The following ST3GAL4 variants were observed in gnomAD, a reference collection of about 807,000 sequenced individuals.
The protein encoded by ST3GAL4 is CMP-N-acetylneuraminate-beta-galactosamide-alpha-2,3-sialyltransferase 4.
Under a neutral mutation model 42.6 loss-of-function variants are expected in ST3GAL4, and 24 were observed. The observed-to-expected ratio is 0.56, with a 90% confidence interval of 0.41 to 0.79. The LOEUF is 0.79. ST3GAL4 is among the 30% of genes least tolerant of loss of function. The probability of loss-of-function intolerance (pLI) is 0.00; values close to 1 mark genes in which losing one functional copy is unlikely to be tolerated. For synonymous variants in ST3GAL4, 135 were observed against 163.2 expected (o/e 0.83, Z 1.32); for missense variants, 311 against 430.8 (o/e 0.72, Z 2.46).
chr11:126,377,117 G>A (rs1315136823), intron 1 of ST3GAL4, among the ~76,000 whole-genome samples: 2 of 152,102 alleles, frequency 1.3e-5, no homozygotes, highest in Non-Finnish European at 2.9e-5. Context: ...AAACCCATGT[G>A]TGTTCTTTAA....
chr11:126,372,141 A>G (rs574276061), intron 1 of ST3GAL4, among the ~76,000 whole-genome samples: 1 of 152,318 alleles, frequency 6.6e-6, no homozygotes, highest in East Asian at 1.9e-4. Context: ...AGAATGTGCT[A>G]CCATCCCGCC....
chr11:126,368,078 T>G (rs1591422303), intron 1 of ST3GAL4, among the ~76,000 whole-genome samples: 1 of 146,066 alleles, frequency 6.8e-6, no homozygotes, highest in Non-Finnish European at 1.5e-5. Context: ...ATTCAGGAGG[T>G]GGAGGTTGCA....
In ST3GAL4 at chr11:126,378,500, C is replaced by A. The variant is rs1200477615; in HGVS notation, c.-61+22658C>A. ...CTTGGCTCACTGCAACCTCTGCTTCCCGGGTTCATGCGATTCTCCTGCCTC... is the reference window on the plus strand; with the variant it reads ...CTTGGCTCACTGCAACCTCTGCTTCACGGGTTCATGCGATTCTCCTGCCTC... On this transcript the variant is annotated intron_variant, in intron 1 of 10. Coordinates refer to ENST00000444328, the MANE Select transcript of ST3GAL4 (RefSeq NM_001254757.2). The surrounding 1 kb of genome is among the most constrained non-coding windows in gnomAD (Gnocchi z 5.3). Among the ~76,000 whole-genome samples the A allele has an allele frequency of 6.6e-6, 1 of 152,118 alleles. No individual in the cohort carries two copies. The highest frequency in any genetic ancestry group is 2.4e-5 in the African/African-American group (1 of 41,420).
intron 1 of ST3GAL4, among the ~76,000 whole-genome samples, chr11:126,390,423 T>C (rs924266328): frequency 1.3e-5 from 2 of 151,962 alleles, no homozygotes; most frequent in Non-Finnish European, 2.9e-5. Context: ...TTGTAAAATA[T>C]GCACATATTC....
At chr11:126,370,781 A>G (rs1253546162) in intron 1 of ST3GAL4, among the ~76,000 whole-genome samples, 5 of 151,654 alleles carry the variant, frequency 3.3e-5, no homozygotes, top group African/African-American at 4.8e-5. Context: ...GGTTCAAGCA[A>G]TTCTCCTGCC....
chr11:126,381,545 A>G (rs1453138954), intron 1 of ST3GAL4, among the ~76,000 whole-genome samples: 2 of 149,556 alleles, frequency 1.3e-5, no homozygotes, highest in Non-Finnish European at 3.0e-5. Flanking sequence ...GACGAGGGCC[A>G]GAGAGGAGGA....
chr11:126,368,016 C>T (rs555214080), intron 1 of ST3GAL4, among the ~76,000 whole-genome samples: 2 of 151,832 alleles, frequency 1.3e-5, no homozygotes, highest in South Asian at 2.1e-4. Flanking sequence ...GACATAATGG[C>T]GCGCGCCTGT....
rs548203544 is a variant in ST3GAL4 at position 126,391,285 on chromosome 11, T to C, written c.-60-14811T>C. Reference sequence around the variant, plus strand: ...GTTTTTTTTTTTTCTTTTTGTTTTATGGGAGTGCTGATATATTCAAGTATT... The same window carrying C: ...GTTTTTTTTTTTTCTTTTTGTTTTACGGGAGTGCTGATATATTCAAGTATT... On this transcript the variant is annotated intron_variant, in intron 1 of 10. Coordinates refer to ENST00000444328, the MANE Select transcript of ST3GAL4 (RefSeq NM_001254757.2). The surrounding 1 kb of genome is among the most constrained non-coding windows in gnomAD (Gnocchi z 5.5). 2.0e-5 allele frequency among the ~76,000 whole-genome samples: 3 copies of C among 152,134 alleles called. No individual in the cohort carries two copies. Among genetic ancestry groups the C allele is most frequent in the South Asian group, 2.1e-4 (1 of 4,814 alleles).
Position 126,391,422 on chromosome 11 carries a change from G to C in ST3GAL4, c.-60-14674G>C, listed in dbSNP as rs1231914506. ...GTTCTGAAAAGGTCTGTTCTGGAGT[G>C]GGGGTGCTGTTTCGGAGAGCGATGA... On this transcript the variant is annotated intron_variant, in intron 1 of 10. Transcript: ENST00000444328. This position sits in a 1 kb window ranked among gnomAD's most constrained non-coding sequence, Gnocchi z 5.5. 6.6e-6 allele frequency among the ~76,000 whole-genome samples: 1 copy of C among 152,172 alleles called. No individual in the cohort carries two copies. Among genetic ancestry groups the C allele is most frequent in the African/African-American group, 2.4e-5 (1 of 41,442 alleles).
rs933294923 is a variant in ST3GAL4, at chr11:126,383,786, G to A, written c.-60-22310G>A. Among the ~76,000 whole-genome samples the A allele has an allele frequency of 2.0e-5, 3 of 152,182 alleles. No homozygotes were observed. The highest frequency in any genetic ancestry group is 4.4e-5 in the Non-Finnish European group (3 of 68,024). The stretch of plus-strand genomic sequence containing the variant: ...CTGTTCAGGCAGATTCACCAGAGGG[G>A]CTACTGCGCAGAGCCTGGGCCCTGG... On this transcript the variant is annotated intron_variant, in intron 1 of 10. Coordinates refer to ENST00000444328, the MANE Select transcript of ST3GAL4 (RefSeq NM_001254757.2). This position sits in a 1 kb window ranked among gnomAD's most constrained non-coding sequence, Gnocchi z 4.5.
rs912352161 is a variant in ST3GAL4, at chr11:126,376,442, G to A, written c.-61+20600G>A. 6.6e-6 allele frequency among the ~76,000 whole-genome samples: 1 copy of A among 152,176 alleles called. No homozygotes were observed. Among genetic ancestry groups the A allele is most frequent in the African/African-American group, 2.4e-5 (1 of 41,444 alleles). On this transcript the variant is annotated intron_variant, in intron 1 of 10. Coordinates refer to ENST00000444328, the MANE Select transcript of ST3GAL4 (RefSeq NM_001254757.2). The surrounding 1 kb of genome is among the most constrained non-coding windows in gnomAD (Gnocchi z 5.1). Reference sequence around the variant, plus strand: ...ATGAAGAATTTATTTGATTTAATTGGTTGCAATTACAAAATTGCTTTGTTT... The same window carrying A: ...ATGAAGAATTTATTTGATTTAATTGATTGCAATTACAAAATTGCTTTGTTT...
rs546079140 is a variant in ST3GAL4, at chr11:126,408,242, G to A, written c.437+48G>A. The A allele has an allele frequency of 6.6e-5, 107 of 1,612,846 alleles. 1 individual carries two copies. In the South Asian group the frequency reaches 1.1e-3, roughly 16 times the overall value. ...ACTGTTGTTTGGGAACTGGATGTCCGAGCCAGGGACTGTAGACAGGCCCAG... is the reference window on the plus strand; with the variant it reads ...ACTGTTGTTTGGGAACTGGATGTCCAAGCCAGGGACTGTAGACAGGCCCAG... On this transcript the variant is annotated intron_variant, in intron 7 of 10. Transcript: ENST00000444328.
Position 126,384,748 on chromosome 11 carries a change from G to C in ST3GAL4, c.-60-21348G>C. On this transcript the variant is annotated intron_variant, in intron 1 of 10. Coordinates refer to ENST00000444328, the MANE Select transcript of ST3GAL4 (RefSeq NM_001254757.2). This position sits in a 1 kb window ranked among gnomAD's most constrained non-coding sequence, Gnocchi z 5.5. Reference sequence around the variant, plus strand: ...GCAGCATCTCCTGAGGCTGGGCCATGGGTGAATCTGAGTCGAGGGCAGGAC... The same window carrying C: ...GCAGCATCTCCTGAGGCTGGGCCATCGGTGAATCTGAGTCGAGGGCAGGAC... The C allele has an allele frequency of 1.0e-6, 1 of 985,406 alleles. No homozygotes were observed. The highest frequency in any genetic ancestry group is 4.7e-5 in the South Asian group (1 of 21,286). The allele number at this position is 985,406 out of a possible 1,614,324, so 61.0% of individuals were successfully genotyped here.
chr11:126,408,698 A>C (rs2135552490), intron 8 of ST3GAL4: 1 of 620,086 alleles, frequency 1.6e-6, no homozygotes, highest in South Asian at 2.1e-5. Context: ...TGGGTATAAA[A>C]GCCTGCAGGC....
At position 126,387,997 on chromosome 11, in the gene ST3GAL4, T is replaced by C. The variant is rs539266467; in HGVS notation, c.-60-18099T>C. ...TTTTCACAGCTCCATAGTGTTTCCT[T>C]GTCTGTGAGCAGATTTCAAGTTGTT... is the stretch of plus-strand genomic sequence containing the variant. On this transcript the variant is annotated intron_variant, in intron 1 of 10. Coordinates refer to ENST00000444328, the MANE Select transcript of ST3GAL4 (RefSeq NM_001254757.2). 2.4e-4 allele frequency among the ~76,000 whole-genome samples: 37 copies of C among 152,350 alleles called. 1 individual carries two copies. The highest frequency in any genetic ancestry group is 8.7e-4 in the African/African-American group (36 of 41,582).
At position 126,391,272 on chromosome 11, in the gene ST3GAL4, T is replaced by C. The variant is rs11220467; in HGVS notation, c.-60-14824T>C. Among the ~76,000 whole-genome samples, 18,370 of 151,998 alleles carry C rather than the reference T, an allele frequency of 0.12. 1,610 individuals carry two copies. Among genetic ancestry groups the C allele is most frequent in the East Asian group, 0.45 (2,331 of 5,142 alleles). On this transcript the variant is annotated intron_variant, in intron 1 of 10. Transcript: ENST00000444328. This position sits in a 1 kb window ranked among gnomAD's most constrained non-coding sequence, Gnocchi z 5.5. Reference sequence around the variant, plus strand: ...CCTTTGCTTCCTTGTTTTTTTTTTTTCTTTTTGTTTTATGGGAGTGCTGAT... The same window carrying C: ...CCTTTGCTTCCTTGTTTTTTTTTTTCCTTTTTGTTTTATGGGAGTGCTGAT...
Position 126,390,327 on chromosome 11 carries a change from G to GT in ST3GAL4, c.-60-15766dup, listed in dbSNP as rs778180070. Among the ~76,000 whole-genome samples the GT allele has an allele frequency of 7.9e-3, 1,168 of 148,462 alleles. 16 individuals carry two copies. The highest frequency in any genetic ancestry group is 0.024 in the African/African-American group (978 of 40,388). On this transcript the variant is annotated intron_variant, in intron 1 of 10. Transcript: ENST00000444328. ...GTACTGATGATAGTGTTTCCAGTTT[G>GT]TTTGTTTTTTTTTGCTATTGCAGCA...
intron 1 of ST3GAL4, among the ~76,000 whole-genome samples, chr11:126,368,756 G>A (rs572896697): frequency 6.6e-6 from 1 of 152,350 alleles, no homozygotes; most frequent in South Asian, 2.1e-4. Flanking sequence ...GGCTCTGCCA[G>A]CTTCCCCTGG....
In ST3GAL4 at chr11:126,357,575, C is replaced by A. The variant is rs76750332; in HGVS notation, c.-61+1733C>A. On this transcript the variant is annotated intron_variant, in intron 1 of 10. Coordinates refer to ENST00000444328, the MANE Select transcript of ST3GAL4 (RefSeq NM_001254757.2). ...TCTCAGGAAGAGAGTGCCGTGCCCC[C>A]GCCAGCCTCCCAACCTCGTTAGACT... Among the ~76,000 whole-genome samples the A allele has an allele frequency of 4.8e-3, 727 of 152,282 alleles. 5 individuals carry two copies. The highest frequency in any genetic ancestry group is 0.017 in the African/African-American group (694 of 41,550).
Sources: allele counts gnomAD v4.1 joint callset (sites outside exome capture counted in the v4.1 genomes callset), GRCh38; gene constraint gnomAD v4.1.1; non-coding constraint Gnocchi (gnomAD v3.1); transcripts MANE v1.5; gene names NCBI Gene and HGNC (gene_info 2026-07-23, HGNC 2026-07-21).